Variants in TCP11L2 observed in about 807,000 individuals in gnomAD.
TCP11L2 encodes t-complex 11 like 2, also known as T-complex protein 11-like protein 2.
Under a neutral mutation model 50.7 loss-of-function variants are expected in TCP11L2, and 39 were observed. That is an observed-to-expected ratio of 0.77 (90% CI 0.60 to 1.01). The LOEUF (loss-of-function observed/expected upper bound fraction) is 1.01. Ranked by LOEUF, TCP11L2 falls within the 50% of genes least tolerant of loss-of-function variation. The probability of loss-of-function intolerance (pLI) is 0.00; values close to 1 mark genes in which losing one functional copy is unlikely to be tolerated. For missense variants in TCP11L2, 612 were observed against 614.7 expected (o/e 1.00, Z 0.05); for synonymous variants, 192 against 219.3 (o/e 0.88, Z 1.10).
intron 6 of TCP11L2, among the ~76,000 whole-genome samples, chr12:106,328,221 G>A (rs1437583500): frequency 2.0e-5 from 3 of 152,212 alleles, no homozygotes; most frequent in African/African-American, 7.2e-5. Flanking sequence ...GCTCAGTGAT[G>A]ACCTCCTTAG....
intron 3 of TCP11L2, among the ~76,000 whole-genome samples, chr12:106,315,706 A>G (rs2035052223): frequency 6.6e-6 from 1 of 151,072 alleles, no homozygotes; most frequent in East Asian, 1.9e-4. Flanking sequence ...TTCCTGGTTA[A>G]CCTCGCCCTC....
chr12:106,325,954 G>A lies in TCP11L2; in HGVS notation c.772+2308G>A, dbSNP rs568847397. On this transcript the variant is annotated intron_variant, in intron 6 of 9. Coordinates refer to ENST00000299045, the MANE Select transcript of TCP11L2 (RefSeq NM_152772.3). ...CTGGAGGGGGATCAAGGAAAAATAG[G>A]ATTAGAAGAAATCTTAGCTCATCAA... 6 of 149,874 alleles carry A rather than the reference G, an allele frequency of 4.0e-5. No homozygotes were observed. The East Asian group carries it at 1.2e-3, about 30-fold the overall frequency. The allele number at this position is 149,874 out of a possible 1,614,324, so 9.3% of individuals were successfully genotyped here. A position where few individuals can be genotyped will look rare whatever the true frequency, so the allele number is the denominator to read the frequency against.
chr12:106,319,269 A>G (rs73388591), intron 4 of TCP11L2, among the ~76,000 whole-genome samples: 1,975 of 152,280 alleles, frequency 0.013, 48 homozygotes, highest in African/African-American at 0.044. Flanking sequence ...TTATGACTTA[A>G]TCACCTCCCA....
chr12:106,316,312 A>G (rs1391940931), intron 3 of TCP11L2, among the ~76,000 whole-genome samples: 1 of 152,128 alleles, frequency 6.6e-6, no homozygotes, highest in Non-Finnish European at 1.5e-5. Flanking sequence ...TCTTTGCCAA[A>G]AACTCTTCAA....
At chr12:106,308,959 G>A (rs148504076) in intron 1 of TCP11L2, among the ~76,000 whole-genome samples, 1 of 152,296 alleles carries the variant, frequency 6.6e-6, no homozygotes, top group African/African-American at 2.4e-5. Flanking sequence ...TGGGAAGAAA[G>A]GAACAAGGAA....
rs539993237 is a variant in TCP11L2 at position 106,302,804 on chromosome 12, G to C, written c.-173G>C. The C allele has an allele frequency of 1.3e-5, 2 of 152,492 alleles. No individual in the cohort carries two copies. Among genetic ancestry groups the C allele is most frequent in the South Asian group, 4.1e-4 (2 of 4,826 alleles). 9.4% of individuals were successfully genotyped at this position (152,492 alleles called of 1,614,324 possible). A position where few individuals can be genotyped will look rare whatever the true frequency, so the allele number is the denominator to read the frequency against. The stretch of plus-strand genomic sequence containing the variant: ...GGCCCTTTAAATACCGCGTTGGGGG[G>C]GACACTGGGGCTGGGGGGGTTTGTT... On this transcript the variant is annotated 5_prime_UTR_variant, in exon 1 of 10. Coordinates refer to ENST00000299045, the MANE Select transcript of TCP11L2 (RefSeq NM_152772.3).
intron 6 of TCP11L2, among the ~76,000 whole-genome samples, chr12:106,334,545 G>C (rs1270325492): frequency 1.3e-5 from 2 of 151,914 alleles, no homozygotes; most frequent in Non-Finnish European, 2.9e-5. Context: ...TCACTCTCTT[G>C]TTTGAACCAC....
chr12:106,318,911 T>A (rs1296796868), intron 4 of TCP11L2, among the ~76,000 whole-genome samples: 5 of 151,266 alleles, frequency 3.3e-5, no homozygotes, highest in East Asian at 1.9e-4. Context: ...TTTTTTTTTT[T>A]TTATTTTTTT....
intron 8 of TCP11L2, among the ~76,000 whole-genome samples, chr12:106,338,550 T>C (rs1332456468): frequency 1.3e-5 from 2 of 152,254 alleles, no homozygotes; most frequent in Non-Finnish European, 2.9e-5. Context: ...ATATTTTCTT[T>C]ATCCAGTCCA....
chr12:106,304,334 A>G (rs1030706559), intron 1 of TCP11L2: 2 of 152,456 alleles, frequency 1.3e-5, no homozygotes, highest in Middle Eastern at 3.4e-3. Flanking sequence ...GTGTAACGTG[A>G]ACATCTGCTT....
At chr12:106,337,501 C>T (rs1020279452) in intron 8 of TCP11L2, among the ~76,000 whole-genome samples, 1 of 152,144 alleles carries the variant, frequency 6.6e-6, no homozygotes, top group African/African-American at 2.4e-5. Flanking sequence ...TATGATTTCC[C>T]TGCATGGGTA....
chr12:106,317,795 A>G (rs1051150001), intron 3 of TCP11L2, among the ~76,000 whole-genome samples: 1 of 152,232 alleles, frequency 6.6e-6, no homozygotes, highest in African/African-American at 2.4e-5. Flanking sequence ...AGGGATTGAC[A>G]TAAGGGGTGA....
chr12:106,304,588 C>G (rs553177954), intron 1 of TCP11L2, among the ~76,000 whole-genome samples: 1 of 152,370 alleles, frequency 6.6e-6, no homozygotes, highest in East Asian at 1.9e-4. Context: ...ACTTAGTCCT[C>G]TGACTCCCTT....
intron 3 of TCP11L2, among the ~76,000 whole-genome samples, chr12:106,314,829 A>C (rs1381889242): frequency 6.6e-6 from 1 of 151,848 alleles, no homozygotes; most frequent in African/African-American, 2.4e-5. Context: ...GCAAGACCCC[A>C]TCTCTGTAAA....
upstream of TCP11L2, among the ~76,000 whole-genome samples, chr12:106,302,626 G>A (rs1251756083): frequency 1.3e-5 from 2 of 151,706 alleles, no homozygotes; most frequent in African/African-American, 4.8e-5. Context: ...GGTTCAAACT[G>A]ACGAAGACTG....
intron 8 of TCP11L2, among the ~76,000 whole-genome samples, chr12:106,338,962 G>A (rs759654366): frequency 8.5e-5 from 13 of 152,254 alleles, no homozygotes; most frequent in South Asian, 6.2e-4. Flanking sequence ...CCAAGATGGC[G>A]AAACCCCGTC....
At chr12:106,315,188 A>T (rs1467648195) in intron 3 of TCP11L2, among the ~76,000 whole-genome samples, 2 of 152,084 alleles carry the variant, frequency 1.3e-5, no homozygotes, top group East Asian at 3.9e-4. Flanking sequence ...GTGAGCCGAG[A>T]TCGCACCACT....
chr12:106,322,829 C>G (rs1464833937), intron 5 of TCP11L2, among the ~76,000 whole-genome samples: 2 of 152,178 alleles, frequency 1.3e-5, no homozygotes, highest in Non-Finnish European at 1.5e-5. Flanking sequence ...TCGGCTCTGG[C>G]AGATTGTGAT....
chr12:106,300,414 C>T (rs2034390535), upstream of TCP11L2, among the ~76,000 whole-genome samples: 1 of 152,222 alleles, frequency 6.6e-6, no homozygotes, highest in African/African-American at 2.4e-5. Context: ...ACTGCAACCT[C>T]CACCTCCCAG....
Sources: allele counts gnomAD v4.1 joint callset (sites outside exome capture counted in the v4.1 genomes callset), GRCh38; gene constraint gnomAD v4.1.1; transcripts MANE v1.5; gene names NCBI Gene and HGNC (gene_info 2026-07-23, HGNC 2026-07-21).